FSIP1: variants seen among roughly 807,000 people sequenced by gnomAD.
The protein encoded by FSIP1 is fibrous sheath interacting protein 1, also known as fibrous sheath-interacting protein 1.
Under a neutral mutation model 60.9 loss-of-function variants are expected in FSIP1, and 65 were observed. The ratio of observed to expected loss-of-function variants is 1.07; its 90% CI spans 0.87 to 1.31. The LOEUF (loss-of-function observed/expected upper bound fraction) is 1.31, where lower values mean the gene tolerates loss of function less well. FSIP1 is among the 40% of genes most tolerant of loss of function. The pLI is 0.00. For synonymous variants in FSIP1, 209 were observed against 221.2 expected (o/e 0.94, Z 0.49); for missense variants, 675 against 665.5 (o/e 1.01, Z -0.16).
intron 9 of FSIP1, among the ~76,000 whole-genome samples, chr15:39,714,878 T>C (rs767795258): frequency 7.8e-5 from 11 of 140,762 alleles, no homozygotes; most frequent in Admixed American, 3.1e-4. Context: ...GAGGCTGAGG[T>C]GGGAGGATCA....
At chr15:39,669,046 G>A (rs1042758315) in intron 10 of FSIP1, among the ~76,000 whole-genome samples, 3 of 152,138 alleles carry the variant, frequency 2.0e-5, no homozygotes, top group Non-Finnish European at 2.9e-5. Flanking sequence ...ACACAGAGAG[G>A]TGCCACTCCA....
chr15:39,747,102 T>A (rs1476017127), intron 5 of FSIP1, among the ~76,000 whole-genome samples: 1 of 150,272 alleles, frequency 6.7e-6, no homozygotes, highest in Non-Finnish European at 1.5e-5. Flanking sequence ...TTTCTTTTAA[T>A]GCTCATTTTC....
intron 10 of FSIP1, among the ~76,000 whole-genome samples, chr15:39,679,072 A>T (rs1474939034): frequency 3.3e-5 from 5 of 152,282 alleles, no homozygotes; most frequent in Non-Finnish European, 7.3e-5. Flanking sequence ...GAGTTTACTA[A>T]GCTGTTTAGT....
intron 10 of FSIP1, among the ~76,000 whole-genome samples, chr15:39,655,597 A>G (rs1893039358): frequency 6.6e-6 from 1 of 152,192 alleles, no homozygotes; most frequent in African/African-American, 2.4e-5. Context: ...CATGGCTCCA[A>G]AACTCAAAAC....
chr15:39,656,786 A>C (rs1383092868), intron 10 of FSIP1, among the ~76,000 whole-genome samples: 2 of 152,228 alleles, frequency 1.3e-5, no homozygotes, highest in African/African-American at 4.8e-5. Context: ...TTAATATTTT[A>C]AAAGAGAAAA....
chr15:39,746,056 GC>G (rs1792707104), intron 5 of FSIP1, among the ~76,000 whole-genome samples: 1 of 151,916 alleles, frequency 6.6e-6, no homozygotes, highest in South Asian at 2.1e-4. Context: ...TACAGCCTGG[GC>G]AACAAAATGA....
intron 10 of FSIP1, among the ~76,000 whole-genome samples, chr15:39,674,212 A>G (rs897574220): frequency 5.9e-5 from 9 of 151,678 alleles, no homozygotes; most frequent in Admixed American, 1.3e-4. Context: ...CCACCACCAC[A>G]CCCAGCTAAT....
chr15:39,648,942 A>C (rs1892747875), intron 10 of FSIP1, among the ~76,000 whole-genome samples: 1 of 151,232 alleles, frequency 6.6e-6, no homozygotes, highest in African/African-American at 2.5e-5. Flanking sequence ...TCTTGTGCAA[A>C]GTTTTTTTTT....
chr15:39,617,654 A>C, intron 11 of FSIP1, 81 bp downstream of exon 11: 2 of 1,207,632 alleles, frequency 1.7e-6, no homozygotes, highest in Non-Finnish European at 2.3e-6. Context: ...TTCTTACCCG[A>C]CTCTAATTTA....
At chr15:39,669,100 G>C (rs1893616837) in intron 10 of FSIP1, among the ~76,000 whole-genome samples, 1 of 152,198 alleles carries the variant, frequency 6.6e-6, no homozygotes, top group Non-Finnish European at 1.5e-5. Flanking sequence ...GGAGTGGGTG[G>C]TCAGCAGACA....
At chr15:39,720,236 C>CA (rs948709775) in intron 9 of FSIP1, among the ~76,000 whole-genome samples, 2 of 150,766 alleles carry the variant, frequency 1.3e-5, no homozygotes, top group African/African-American at 2.4e-5. Context: ...AGGAAGACAT[C>CA]AAAAAAAAAT....
chr15:39,725,641 A>G (rs1053029402), intron 9 of FSIP1, among the ~76,000 whole-genome samples: 18 of 152,234 alleles, frequency 1.2e-4, no homozygotes, highest in Non-Finnish European at 2.5e-4. Flanking sequence ...AAGTTTTACA[A>G]AGCTGCTACA....
chr15:39,626,404 T>C (rs1300123220), intron 10 of FSIP1, among the ~76,000 whole-genome samples: 1 of 152,112 alleles, frequency 6.6e-6, no homozygotes, highest in African/African-American at 2.4e-5. Context: ...CCCTCCACCT[T>C]GTACTGGTGC....
At chr15:39,645,851 T>C (rs1162232112) in intron 10 of FSIP1, among the ~76,000 whole-genome samples, 4 of 152,170 alleles carry the variant, frequency 2.6e-5, no homozygotes, top group Non-Finnish European at 1.5e-5. Flanking sequence ...CCCAGGGCCA[T>C]GAACGGCAGC....
At chr15:39,685,565 T>C (rs902329467) in intron 10 of FSIP1, among the ~76,000 whole-genome samples, 3 of 152,146 alleles carry the variant, frequency 2.0e-5, no homozygotes, top group African/African-American at 4.8e-5. Context: ...ACTAATTGTT[T>C]TGGAAAACCT....
At chr15:39,721,492 T>TG (rs1424833183) in intron 9 of FSIP1, among the ~76,000 whole-genome samples, 1 of 152,256 alleles carries the variant, frequency 6.6e-6, no homozygotes, top group Non-Finnish European at 1.5e-5. Flanking sequence ...CTCCACAACT[T>TG]GTTCTATTGT....
chr15:39,600,032 T>TA lies in FSIP1; in HGVS notation c.*847dup, dbSNP rs1346812856. The TA allele has an allele frequency of 1.3e-5, 2 of 152,250 alleles. No individual in the cohort carries two copies. The highest frequency in any genetic ancestry group is 4.8e-5 in the African/African-American group (2 of 41,458). The allele number at this position is 152,250 out of a possible 1,614,324, so 9.4% of individuals were successfully genotyped here. A position where few individuals can be genotyped will look rare whatever the true frequency, so the allele number is the denominator to read the frequency against. ...GAACATGTGCCAGCAAAAACAATGT[T>TA]ATGTATACATCACTCAAATTTTATT... On this transcript the variant is annotated 3_prime_UTR_variant, in exon 12 of 12. Transcript: ENST00000350221.
At chr15:39,646,475 G>A (rs1892612398) in intron 10 of FSIP1, among the ~76,000 whole-genome samples, 1 of 136,214 alleles carries the variant, frequency 7.3e-6, no homozygotes, top group Non-Finnish European at 1.5e-5. Flanking sequence ...CTTGAGGCCA[G>A]GAGTTCGAGA....
intron 11 of FSIP1, among the ~76,000 whole-genome samples, chr15:39,606,659 G>A (rs1163238912): frequency 6.6e-6 from 1 of 152,014 alleles, no homozygotes; most frequent in Non-Finnish European, 1.5e-5. Context: ...CACTCAACAG[G>A]TCCAACGAGA....
Sources: gnomAD v4.1 joint callset for allele counts (sites outside exome capture counted in the v4.1 genomes callset) on GRCh38, gnomAD v4.1.1 for gene constraint, MANE v1.5 for transcripts, NCBI Gene and HGNC (gene_info 2026-07-23, HGNC 2026-07-21) for gene names.